The following SBF2 variants were observed in gnomAD, a reference collection of about 807,000 sequenced individuals.
SBF2 encodes the protein SET binding factor 2, also known as myotubularin-related protein 13.
SBF2 carries 112 observed loss-of-function variants against 225.2 expected under a neutral mutation model. That is an observed-to-expected ratio of 0.50 (90% CI 0.43 to 0.58). The LOEUF is 0.58. Ranked by LOEUF, SBF2 falls within the 20% of genes least tolerant of loss-of-function variation. The pLI is 0.00. For synonymous variants in SBF2, 763 were observed against 773.3 expected, an observed-to-expected ratio of 0.99 and a Z score of 0.22; for missense variants, 1,996 against 2,206.2, an observed-to-expected ratio of 0.90 and a Z score of 1.91.
At chr11:10,227,477 C>A (rs920665207) in intron 1 of SBF2, among the ~76,000 whole-genome samples, 3 of 152,114 alleles carry the variant, frequency 2.0e-5, no homozygotes, top group Non-Finnish European at 2.9e-5. Context: ...AGTCTTTAAT[C>A]CATCTTGAAT....
chr11:10,026,677 T>C (rs1949068359), intron 6 of SBF2, among the ~76,000 whole-genome samples: 1 of 152,120 alleles, frequency 6.6e-6, no homozygotes, highest in African/African-American at 2.4e-5. Context: ...TGTTGGGGGC[T>C]GTAGTAAGCT....
At chr11:9,833,952 C>A (rs1304255808) in intron 26 of SBF2, among the ~76,000 whole-genome samples, 2 of 135,912 alleles carry the variant, frequency 1.5e-5, no homozygotes, top group East Asian at 4.6e-4. Flanking sequence ...GTATTTTTAG[C>A]AGAGACAGGG....
intron 16 of SBF2, among the ~76,000 whole-genome samples, chr11:9,902,083 G>C (rs981294796): frequency 6.6e-6 from 1 of 152,172 alleles, no homozygotes; most frequent in African/African-American, 2.4e-5. Context: ...TCTGTTGTGG[G>C]AGAAATCTGC....
At chr11:9,790,381 G>A (rs897194558) in intron 34 of SBF2, among the ~76,000 whole-genome samples, 175 bp downstream of exon 34, 13 of 152,176 alleles carry the variant, frequency 8.5e-5, no homozygotes, top group African/African-American at 2.9e-4. Flanking sequence ...TTAGGGAACA[G>A]TCTCCATTTG....
At chr11:10,001,496 AAAGTT>A (rs1172350331) in intron 7 of SBF2, among the ~76,000 whole-genome samples, 1 of 152,132 alleles carries the variant, frequency 6.6e-6, no homozygotes, top group African/African-American at 2.4e-5. Context: ...CCTTATCTAA[AAAGTT>A]AAGAAAAGCA....
chr11:9,847,644 T>C (rs908696403), intron 22 of SBF2, among the ~76,000 whole-genome samples: 14 of 152,174 alleles, frequency 9.2e-5, no homozygotes, highest in Admixed American at 7.2e-4. Context: ...ATACTATATA[T>C]ATGTGCCTTT....
chr11:9,963,626 C>A, intron 15 of SBF2, 147 bp downstream of exon 15: 1 of 604,736 alleles, frequency 1.7e-6, no homozygotes, highest in South Asian at 2.0e-5. Flanking sequence ...ATCTTAGACA[C>A]TATTCATTTA....
chr11:9,828,400 A>C, intron 28 of SBF2: 5 of 985,438 alleles, frequency 5.1e-6, no homozygotes, highest in Non-Finnish European at 6.0e-6. Flanking sequence ...GATAACACAC[A>C]TTTGCAAGAT....
intron 2 of SBF2, among the ~76,000 whole-genome samples, chr11:10,135,221 C>A (rs1954289453): frequency 6.6e-6 from 1 of 152,196 alleles, no homozygotes; most frequent in African/African-American, 2.4e-5. Context: ...GGAGGCAGGG[C>A]ACCAAGTCCC....
chr11:9,811,742 C>A (rs1038567329), intron 30 of SBF2, among the ~76,000 whole-genome samples: 2 of 148,466 alleles, frequency 1.3e-5, no homozygotes, highest in African/African-American at 5.0e-5. Context: ...GCCTTTTAGT[C>A]CAATGTGCTG....
At chr11:9,851,677 TATA>T (rs1205475553) in intron 21 of SBF2, among the ~76,000 whole-genome samples, 2 of 152,234 alleles carry the variant, frequency 1.3e-5, no homozygotes, top group African/African-American at 4.8e-5. Flanking sequence ...AAAGCCAAAG[TATA>T]ATAATCGCTG....
At chr11:10,001,044 G>A (rs377152296) in intron 7 of SBF2, 22 bp from the exon 8 acceptor site, 39 of 1,222,102 alleles carry the variant, frequency 3.2e-5, no homozygotes, top group African/African-American at 2.2e-4. Context: ...AAAAATATGC[G>A]TCAAATATAT....
chr11:9,989,501 T>C lies in SBF2; in HGVS notation c.1391A>G (p.Lys464Arg), dbSNP rs749554143. 2 of 1,564,450 alleles carry C rather than the reference T, an allele frequency of 1.3e-6. No individual in the cohort carries two copies. Among genetic ancestry groups the C allele is most frequent in the South Asian group, 2.3e-5 (2 of 88,716 alleles). ...TAAATAAATATACTTACTTACATTT[T>C]TGAATAGTTGCTCAGCAAGTTCCCT... ...HVRELAEQLF[K>R]NENPNPHMAF... Residue 464 changes from lysine to arginine, a missense_variant, in exon 13 of 40, where the codon AAA becomes AGA. Coordinates refer to ENST00000256190, the MANE Select transcript of SBF2 (RefSeq NM_030962.4).
At chr11:9,959,133 T>A (rs1866390776) in intron 16 of SBF2, 7 of 1,015,124 alleles carry the variant, frequency 6.9e-6, no homozygotes, top group Non-Finnish European at 1.1e-5. Context: ...ATACACGATG[T>A]AAGATGAAAC....
At chr11:9,821,607 A>C (rs572818590) in intron 28 of SBF2, among the ~76,000 whole-genome samples, 142 of 152,100 alleles carry the variant, frequency 9.3e-4, no homozygotes, top group Non-Finnish European at 1.5e-3. Flanking sequence ...CACCAGCAAA[A>C]CGTCTCAAGC....
chr11:10,097,304 G>A (rs1340588490), intron 2 of SBF2, among the ~76,000 whole-genome samples: 2 of 152,216 alleles, frequency 1.3e-5, no homozygotes, highest in East Asian at 3.8e-4. Context: ...TCCCGGCCTT[G>A]AGAACTGTGA....
At chr11:9,906,234 C>A (rs995342237) in intron 16 of SBF2, among the ~76,000 whole-genome samples, 2 of 152,322 alleles carry the variant, frequency 1.3e-5, no homozygotes, top group Non-Finnish European at 2.9e-5. Context: ...GAGCTGTAAT[C>A]TTCTCCCAAG....
At chr11:10,057,579 A>T (rs1950297381) in intron 2 of SBF2, among the ~76,000 whole-genome samples, 1 of 152,142 alleles carries the variant, frequency 6.6e-6, no homozygotes, top group Admixed American at 6.5e-5. Context: ...TCTGGGGTGG[A>T]GCCTCCAGGA....
chr11:9,977,520 T>G (rs1363844916), intron 13 of SBF2, among the ~76,000 whole-genome samples: 1 of 149,228 alleles, frequency 6.7e-6, no homozygotes. Context: ...ATCATAGGGA[T>G]AGGGCAGGGA....
Sources: gnomAD v4.1 joint callset for allele counts (sites outside exome capture counted in the v4.1 genomes callset) on GRCh38, gnomAD v4.1.1 for gene constraint, MANE v1.5 for transcripts, NCBI Gene and HGNC (gene_info 2026-07-23, HGNC 2026-07-21) for gene names.